AFG2A: variants seen among roughly 807,000 people sequenced by gnomAD.
AFG2A encodes the protein AAA ATPase AFG2A, also known as ATPase family gene 2 protein homolog A.
chr4:122,939,843 C>T, the AFG2A span, among the ~76,000 whole-genome samples: 2 of 152,152 alleles, frequency 1.3e-5, no homozygotes, highest in East Asian at 1.9e-4. Flanking sequence ...CATGTGTTCT[C>T]ATTGTTCAAT....
chr4:123,210,794 T>A, the AFG2A span, among the ~76,000 whole-genome samples: 1 of 152,116 alleles, frequency 6.6e-6, no homozygotes, highest in African/African-American at 2.4e-5. Context: ...TTATAGAAAT[T>A]GACTAGTTGA....
chr4:123,273,440 T>C, the AFG2A span, among the ~76,000 whole-genome samples: 5 of 152,126 alleles, frequency 3.3e-5, no homozygotes, highest in African/African-American at 1.2e-4. Flanking sequence ...CTATATAAAA[T>C]TGTAATTAAT....
the AFG2A span, among the ~76,000 whole-genome samples, chr4:123,014,445 A>G: frequency 6.6e-6 from 1 of 152,066 alleles, no homozygotes; most frequent in African/African-American, 2.4e-5. Flanking sequence ...TAGTTTTTTA[A>G]AAGCTCATTG....
chr4:123,101,651 A>T, the AFG2A span, among the ~76,000 whole-genome samples: 28 of 151,948 alleles, frequency 1.8e-4, no homozygotes, highest in African/African-American at 6.3e-4. Context: ...TCTTCTTTGA[A>T]CTTTTTGCTT....
chr4:123,233,288 C>T, the AFG2A span, among the ~76,000 whole-genome samples: 1 of 151,986 alleles, frequency 6.6e-6, no homozygotes, highest in African/African-American at 2.4e-5. Context: ...CGCACACACA[C>T]ACACACACAC....
chr4:123,015,862 G>A, the AFG2A span, among the ~76,000 whole-genome samples: 1 of 23,464 alleles, frequency 4.3e-5, no homozygotes, highest in Admixed American at 4.5e-4. Context: ...GCGGGGGGCT[G>A]ACCCCCCCAC....
the AFG2A span, among the ~76,000 whole-genome samples, chr4:123,118,793 T>C: frequency 0.022 from 3,326 of 152,254 alleles, 65 homozygotes; most frequent in Non-Finnish European, 0.035. Context: ...CAGGTTGGTA[T>C]CAGTAGTTAG....
At chr4:122,947,443 C>A in the AFG2A span, 1 of 1,613,954 alleles carries the variant, frequency 6.2e-7, no homozygotes. Context: ...AAATAGTGCT[C>A]ATGGATACGT....
the AFG2A span, among the ~76,000 whole-genome samples, chr4:122,987,181 C>A: frequency 6.6e-6 from 1 of 151,960 alleles, no homozygotes. Context: ...TATGAAATAG[C>A]ATGATTGCTA....
the AFG2A span, among the ~76,000 whole-genome samples, chr4:123,085,607 T>A: frequency 1.4e-5 from 2 of 145,198 alleles, no homozygotes; most frequent in Non-Finnish European, 3.0e-5. Flanking sequence ...GTAAAGTGGG[T>A]TTCTTGTAGG....
At chr4:123,249,554 G>A in the AFG2A span, among the ~76,000 whole-genome samples, 1 of 152,144 alleles carries the variant, frequency 6.6e-6, no homozygotes, top group Non-Finnish European at 1.5e-5. Flanking sequence ...GAAAAAGAAG[G>A]AAAGAATAAG....
At chr4:123,087,913 G>A in the AFG2A span, among the ~76,000 whole-genome samples, 377 of 152,226 alleles carry the variant, frequency 2.5e-3, 3 homozygotes, top group Non-Finnish European at 4.7e-3. Flanking sequence ...AGCTCTTAAC[G>A]TTCTGGACCA....
the AFG2A span, among the ~76,000 whole-genome samples, chr4:123,034,182 A>G: frequency 6.6e-6 from 1 of 152,176 alleles, no homozygotes; most frequent in Non-Finnish European, 1.5e-5. Context: ...ACTCCCAAAT[A>G]AGGAGGGCTA....
At chr4:123,259,014 C>G in the AFG2A span, among the ~76,000 whole-genome samples, 1 of 151,598 alleles carries the variant, frequency 6.6e-6, no homozygotes, top group Non-Finnish European at 1.5e-5. Flanking sequence ...TTACAGGCAC[C>G]CACCACCACG....
chr4:123,162,658 A>T, the AFG2A span, among the ~76,000 whole-genome samples: 1 of 152,314 alleles, frequency 6.6e-6, no homozygotes, highest in East Asian at 1.9e-4. Flanking sequence ...CCTATGTATA[A>T]ATAATTAAAT....
chr4:122,935,209 A>G, the AFG2A span, among the ~76,000 whole-genome samples: 2 of 152,084 alleles, frequency 1.3e-5, no homozygotes, highest in Non-Finnish European at 2.9e-5. Context: ...GCTGTGTCTG[A>G]TCTCTCTGCT....
At chr4:122,936,162 CTT>C in the AFG2A span, 1 of 1,591,622 alleles carries the variant, frequency 6.3e-7, no homozygotes, top group South Asian at 1.2e-5. Context: ...CTACGGTACT[CTT>C]TATTTTTAAA....
the AFG2A span, among the ~76,000 whole-genome samples, chr4:123,298,267 G>T: frequency 6.6e-6 from 1 of 152,194 alleles, no homozygotes; most frequent in Admixed American, 6.5e-5. Context: ...GGTGGGTGAA[G>T]CTGTGAGATG....
chr4:123,223,149 T>C, the AFG2A span, among the ~76,000 whole-genome samples: 1 of 152,298 alleles, frequency 6.6e-6, no homozygotes, highest in East Asian at 1.9e-4. Context: ...TTTTGCAGTC[T>C]CATCAACAGT....
Sources: allele counts gnomAD v4.1 joint callset (sites outside exome capture counted in the v4.1 genomes callset), GRCh38; gene constraint gnomAD v4.1.1; transcripts MANE v1.5; gene names NCBI Gene and HGNC (gene_info 2026-07-23, HGNC 2026-07-21).